The following TOM1L1 variants were observed in gnomAD, a reference collection of about 807,000 sequenced individuals.
TOM1L1 encodes TOM1-like protein 1.
TOM1L1 carries 64 observed loss-of-function variants against 63.4 expected under a neutral mutation model. The ratio of observed to expected loss-of-function variants is 1.01; its 90% CI spans 0.83 to 1.24. The LOEUF (loss-of-function observed/expected upper bound fraction) is 1.24. Ranked by LOEUF, TOM1L1 falls within the 50% of genes most tolerant of loss-of-function variation. The probability of loss-of-function intolerance (pLI) is 0.00; values close to 1 mark genes in which losing one functional copy is unlikely to be tolerated. For missense variants in TOM1L1, 536 were observed against 567.0 expected, an observed-to-expected ratio of 0.95 and a Z score of 0.55; for synonymous variants, 166 against 194.4, an observed-to-expected ratio of 0.85 and a Z score of 1.22.
In TOM1L1 at chr17:54,930,135, G is replaced by C. The variant is rs2048834127; in HGVS notation, c.783G>C (p.Glu261Asp). Residue 261 changes from glutamate (E) to aspartate (D), a missense_variant, in exon 8 of 16, where the codon GAG becomes GAC. By Grantham distance (45) the Glu-to-Asp change is conservative (BLOSUM62 2). Coordinates refer to ENST00000575882, the MANE Select transcript of TOM1L1 (RefSeq NM_005486.3). ...ERIMDLLVVV[E>D]NEDVTVELIQ... ...TCATGGACCTGCTTGTGGTGGTGGA[G>C]AACGAAGATGTAACTGTTGAGCTAA... is the stretch of plus-strand genomic sequence containing the variant. 1 of 1,613,984 alleles carries C rather than the reference G, an allele frequency of 6.2e-7. No individual in the cohort carries two copies. The highest frequency in any genetic ancestry group is 1.3e-5 in the African/African-American group (1 of 74,904).
At chr17:54,950,016 T>C (rs777283908) in intron 13 of TOM1L1, 29 bp from the exon 14 acceptor site, 5 of 1,574,000 alleles carry the variant, frequency 3.2e-6, no homozygotes, top group African/African-American at 2.7e-5. Flanking sequence ...AAGCACAATA[T>C]GTTTACTGGT....
intron 11 of TOM1L1, among the ~76,000 whole-genome samples, chr17:54,940,167 AT>A (rs1432182641): frequency 6.6e-6 from 1 of 152,152 alleles, no homozygotes; most frequent in African/African-American, 2.4e-5. Context: ...AAGTGCTAGG[AT>A]TACAAGATGT....
chr17:54,947,981 C>CCTGT (rs1567840479), intron 12 of TOM1L1, among the ~76,000 whole-genome samples: 4 of 152,028 alleles, frequency 2.6e-5, no homozygotes, highest in African/African-American at 9.7e-5. Flanking sequence ...TCTCAACCTG[C>CCTGT]CCTTCCTGCA....
At chr17:54,919,119 T>C in intron 7 of TOM1L1, among the ~76,000 whole-genome samples, 1 of 152,206 alleles carries the variant, frequency 6.6e-6, no homozygotes, top group East Asian at 1.9e-4. Context: ...ATTAAATATA[T>C]CCTCTTTATG....
intron 14 of TOM1L1, among the ~76,000 whole-genome samples, 172 bp from the exon 15 acceptor site, chr17:54,960,394 T>C (rs1263616010): frequency 1.3e-5 from 2 of 152,032 alleles, no homozygotes; most frequent in Admixed American, 1.3e-4. Flanking sequence ...AGTGCAACAT[T>C]AGAATTTAAA....
chr17:54,939,145 A>G, intron 11 of TOM1L1, 125 bp downstream of exon 11: 1 of 555,668 alleles, frequency 1.8e-6, no homozygotes, highest in Non-Finnish European at 3.0e-6. Flanking sequence ...AGGCCAAGGC[A>G]CATGGATCAC....
intron 14 of TOM1L1, among the ~76,000 whole-genome samples, chr17:54,956,539 CTCAAGT>C (rs1157670677): frequency 1.3e-5 from 2 of 152,070 alleles, no homozygotes; most frequent in African/African-American, 2.4e-5. Context: ...AACTCTTGGT[CTCAAGT>C]TCATCTACCC....
At chr17:54,943,511 T>C (rs562030257) in intron 11 of TOM1L1, among the ~76,000 whole-genome samples, 1 of 150,286 alleles carries the variant, frequency 6.7e-6, no homozygotes, top group Non-Finnish European at 1.5e-5. Context: ...TAATGTGGTT[T>C]AAAGTAGCTG....
chr17:54,917,117 G>A lies in TOM1L1; in HGVS notation c.720+1255G>A, dbSNP rs931861263. ...TCCCTCTGAAGAGATATATGTACAT[G>A]TGTGCAGATGTTTGTTTAACTTACT... On this transcript the variant is annotated intron_variant, in intron 7 of 15. Transcript: ENST00000575882. 3.3e-5 allele frequency: 5 copies of A among 152,104 alleles called. No homozygotes were observed. In the East Asian group the frequency reaches 9.6e-4, roughly 29 times the overall value. The allele number at this position is 152,104 out of a possible 1,614,324, so 9.4% of individuals were successfully genotyped here. A position where few individuals can be genotyped will look rare whatever the true frequency, so the allele number is the denominator to read the frequency against.
intron 14 of TOM1L1, chr17:54,957,954 A>C (rs554008186): frequency 6.6e-6 from 1 of 152,372 alleles, no homozygotes; most frequent in Admixed American, 6.5e-5. Context: ...AGAATATGGC[A>C]ACTTGAAAGT....
rs899327673 is a variant in TOM1L1, at chr17:54,903,793, G to A, written c.143+1G>A. The A allele has an allele frequency of 1.2e-6, 2 of 1,613,674 alleles. No homozygotes were observed. The highest frequency in any genetic ancestry group is 4.5e-5 in the East Asian group (2 of 44,894). ...ACATAATTAACACTACCCAGGATGG[G>A]TGAGTACAGCATGGTTTCCATGTAT... On this transcript the variant is annotated splice_donor_variant, in intron 2 of 15. Coordinates refer to ENST00000575882, the MANE Select transcript of TOM1L1 (RefSeq NM_005486.3). LOFTEE classifies it high-confidence loss of function.
At chr17:54,911,264 C>T (rs1026705182) in intron 3 of TOM1L1, among the ~76,000 whole-genome samples, 3 of 152,144 alleles carry the variant, frequency 2.0e-5, no homozygotes, top group African/African-American at 7.2e-5. Flanking sequence ...TTTTGTGCTT[C>T]ATTTTCTGTC....
At chr17:54,936,588 G>C (rs111842267) in intron 8 of TOM1L1, 61 bp from the exon 9 acceptor site, 1 of 1,402,130 alleles carries the variant, frequency 7.1e-7, no homozygotes, top group East Asian at 2.4e-5. Flanking sequence ...ATAATTGTTA[G>C]ATTTTTATAG....
chr17:54,917,479 T>C (rs2048610171), intron 7 of TOM1L1: 1 of 152,182 alleles, frequency 6.6e-6, no homozygotes, highest in African/African-American at 2.4e-5. Context: ...ATTTACTATA[T>C]ACAAATATGT....
In TOM1L1 at chr17:54,930,092, G is replaced by A. The variant is rs748448745; in HGVS notation, c.740G>A (p.Arg247Gln). 24 of 1,613,954 alleles carry A rather than the reference G, an allele frequency of 1.5e-5. No homozygotes were observed. In the Admixed American group the frequency reaches 1.8e-4, roughly 12 times the overall value. Reference sequence around the variant, plus strand: ...TGACAGAAACTCTATAAAACAGGTCGGGAGATGCAGGAGAGGATCATGGAC... The same window carrying A: ...TGACAGAAACTCTATAAAACAGGTCAGGAGATGCAGGAGAGGATCATGGAC... The part of the protein sequence containing the change: ...ELLQKLYKTG[R>Q]EMQERIMDLL... The change falls in exon 8 of 16, where the codon CGG (arginine) becomes CAG (glutamine). Residue 247 changes from arginine (R) to glutamine (Q), a missense_variant. Coordinates refer to ENST00000575882, the MANE Select transcript of TOM1L1 (RefSeq NM_005486.3).
chr17:54,926,933 G>C (rs896878096), intron 7 of TOM1L1, among the ~76,000 whole-genome samples: 12 of 152,180 alleles, frequency 7.9e-5, no homozygotes, highest in African/African-American at 2.9e-4. Flanking sequence ...AGTATACCTG[G>C]CTAACCTATT....
intron 11 of TOM1L1, among the ~76,000 whole-genome samples, chr17:54,943,794 C>A (rs549789308): frequency 1.3e-5 from 2 of 151,596 alleles, no homozygotes; most frequent in African/African-American, 2.4e-5. Flanking sequence ...CTAGCTAATA[C>A]GGTGAAACCC....
chr17:54,946,669 C>T (rs1204650636), intron 11 of TOM1L1, among the ~76,000 whole-genome samples: 1 of 152,168 alleles, frequency 6.6e-6, no homozygotes, highest in African/African-American at 2.4e-5. Flanking sequence ...GAATGAGAAC[C>T]CTTCTCCTAG....
At position 54,961,285 on chromosome 17, in the gene TOM1L1, A is replaced by C; in HGVS notation, c.*52A>C. ...CCACATCAAAGGTGCCAACTCTCTA[A>C]AACGTAGACTCTGTGCAGCTTTGAA... On this transcript the variant is annotated 3_prime_UTR_variant, in exon 16 of 16. Transcript: ENST00000575882. 6.4e-7 allele frequency: 1 copy of C among 1,551,560 alleles called. No homozygotes were observed. The highest frequency in any genetic ancestry group is 2.0e-5 in the Admixed American group (1 of 50,996).
Sources: allele counts gnomAD v4.1 joint callset (sites outside exome capture counted in the v4.1 genomes callset), GRCh38; gene constraint gnomAD v4.1.1; transcripts MANE v1.5; gene names NCBI Gene and HGNC (gene_info 2026-07-23, HGNC 2026-07-21).